MYCBP2: variants seen among roughly 807,000 people sequenced by gnomAD.
MYCBP2 encodes the protein MYC binding protein 2, also known as E3 ubiquitin-protein ligase MYCBP2.
In MYCBP2, 120 loss-of-function variants were observed where a neutral mutation model predicts 525.3. The ratio of observed to expected loss-of-function variants is 0.23; its 90% confidence interval spans 0.20 to 0.27. The LOEUF is 0.27. MYCBP2 is among the 10% of genes least tolerant of loss of function. The pLI is 1.00. For missense variants in MYCBP2, 4,149 were observed against 5,657.1 expected (o/e 0.73, Z 8.55); for synonymous variants, 1,894 against 1,955.8 (o/e 0.97, Z 0.83).
chr13:77,258,923 C>T (rs934099200), intron 13 of MYCBP2, among the ~76,000 whole-genome samples: 7 of 151,982 alleles, frequency 4.6e-5, no homozygotes, highest in African/African-American at 1.7e-4. Context: ...AACTGTTACC[C>T]AGTTAAAGAT....
Position 77,055,609 on chromosome 13 carries a change from A to C in MYCBP2, c.13596T>G (p.Ala4532=), listed in dbSNP as rs763801487. The change falls in exon 80 of 83, where the codon GCT becomes GCG. Residue 4532 remains alanine, a synonymous_variant. Coordinates refer to ENST00000544440, the MANE Select transcript of MYCBP2 (RefSeq NM_015057.5). ...ATGCATATCTATTCATTGCATAGCC[A>C]GCTGGGTCATTATAAAACCTCACAC... The part of the protein sequence containing the change: ...TPGVRFYNDP[A]GYAMNRYAYY... The C allele has an allele frequency of 1.7e-5, 27 of 1,613,976 alleles. No individual in the cohort carries two copies. The highest frequency in any genetic ancestry group is 2.0e-5 in the Non-Finnish European group (24 of 1,180,012).
chr13:77,270,590 C>T, intron 5 of MYCBP2, 52 bp from the exon 6 acceptor site: 3 of 1,504,140 alleles, frequency 2.0e-6, no homozygotes, highest in Non-Finnish European at 2.7e-6. Flanking sequence ...ATGTTACAAA[C>T]ACAGAACAAA....
intron 3 of MYCBP2, among the ~76,000 whole-genome samples, chr13:77,285,990 C>T (rs1318235434): frequency 1.3e-5 from 2 of 151,888 alleles, no homozygotes; most frequent in East Asian, 3.9e-4. Context: ...GAAAAGGGTC[C>T]CACTCTAAAA....
chr13:77,104,974 T>C (rs2047631222), intron 55 of MYCBP2, among the ~76,000 whole-genome samples: 1 of 152,148 alleles, frequency 6.6e-6, no homozygotes, highest in South Asian at 2.1e-4. Flanking sequence ...GGAGCTCTTA[T>C]GCTATTTAAG....
intron 41 of MYCBP2, 26 bp from the exon 42 acceptor site, chr13:77,165,417 C>CA (rs768489160): frequency 6.7e-7 from 1 of 1,498,052 alleles, no homozygotes; most frequent in Non-Finnish European, 9.1e-7. Flanking sequence ...GAATTGAGTT[C>CA]AAACTCTAAA....
At chr13:77,177,271 C>T (rs1223905334) in intron 35 of MYCBP2, among the ~76,000 whole-genome samples, 1 of 151,014 alleles carries the variant, frequency 6.6e-6, no homozygotes, top group African/African-American at 2.4e-5. Flanking sequence ...AGTAGTGACC[C>T]AAGGTGGAAA....
chr13:77,222,684 G>A (rs888931047), intron 20 of MYCBP2, among the ~76,000 whole-genome samples: 1 of 150,142 alleles, frequency 6.7e-6, no homozygotes, highest in Non-Finnish European at 1.5e-5. Flanking sequence ...TCTCAGAAAT[G>A]CTGGATGTAG....
intron 1 of MYCBP2, among the ~76,000 whole-genome samples, chr13:77,313,621 C>G (rs1447424841): frequency 6.6e-6 from 1 of 151,940 alleles, no homozygotes; most frequent in East Asian, 1.9e-4. Context: ...AAGCTGAATA[C>G]TAAAATTAAA....
At chr13:77,226,696 C>A (rs867459536) in intron 18 of MYCBP2, among the ~76,000 whole-genome samples, 10 of 152,158 alleles carry the variant, frequency 6.6e-5, no homozygotes, top group African/African-American at 2.2e-4. Flanking sequence ...TTTACCTAAC[C>A]TTTAGTAACA....
intron 81 of MYCBP2, 111 bp downstream of exon 81, chr13:77,051,700 A>G (rs982521863): frequency 3.4e-5 from 24 of 703,392 alleles, no homozygotes; most frequent in Non-Finnish European, 4.5e-5. Context: ...AACAAATATC[A>G]GAAAATACTG....
At chr13:77,061,002 C>T (rs1477138555) in intron 76 of MYCBP2, among the ~76,000 whole-genome samples, 167 bp downstream of exon 76, 1 of 152,126 alleles carries the variant, frequency 6.6e-6, no homozygotes, top group Non-Finnish European at 1.5e-5. Context: ...TGGTCTAATG[C>T]TCTCTTCACC....
chr13:77,224,314 C>A, intron 20 of MYCBP2, 137 bp downstream of exon 20: 1 of 628,610 alleles, frequency 1.6e-6, no homozygotes, highest in Non-Finnish European at 2.8e-6. Flanking sequence ...TCATGGGCCA[C>A]ACTTTGCAAA....
At position 77,166,369 on chromosome 13, in the gene MYCBP2, T is replaced by G. The variant is rs1364453829; in HGVS notation, c.6300A>C (p.Ser2100=). 1.2e-6 allele frequency: 2 copies of G among 1,613,842 alleles called. No individual in the cohort carries two copies. The highest frequency in any genetic ancestry group is 1.7e-6 in the Non-Finnish European group (2 of 1,179,880). The part of the protein sequence containing the change: ...LNSWIELKKF[S]GSSGWPTMVL... ...CCATAGTAGGCCACCCAGAGGATCC[T>G]GAAAATTTCTTTAATTCTATCCATG... is the stretch of plus-strand genomic sequence containing the variant. Residue 2100 remains serine (S), a synonymous_variant, in exon 41 of 83, where the codon TCA becomes TCC. Coordinates refer to ENST00000544440, the MANE Select transcript of MYCBP2 (RefSeq NM_015057.5).
In MYCBP2 at chr13:77,209,139, C is replaced by T. The variant is rs186186378; in HGVS notation, c.3416+2028G>A. On this transcript the variant is annotated intron_variant, in intron 23 of 82. Transcript: ENST00000544440. The stretch of plus-strand genomic sequence containing the variant: ...AAAACATCTCTTAATCTCTGTTTTC[C>T]AACAATGGAGAAATTGATCAAGGAG... Among the ~76,000 whole-genome samples the T allele has an allele frequency of 7.2e-3, 1,103 of 152,238 alleles. 7 individuals are homozygous for T. Among genetic ancestry groups the T allele is most frequent in the Non-Finnish European group, 0.011 (738 of 68,008 alleles).
chr13:77,124,034 T>A (rs1056138890), intron 54 of MYCBP2, among the ~76,000 whole-genome samples: 1 of 152,148 alleles, frequency 6.6e-6, no homozygotes, highest in Non-Finnish European at 1.5e-5. Context: ...GACCATATCA[T>A]CTTAGACTAA....
At chr13:77,060,962 A>C (rs1425915838) in intron 76 of MYCBP2, among the ~76,000 whole-genome samples, 1 of 152,210 alleles carries the variant, frequency 6.6e-6, no homozygotes, top group Non-Finnish European at 1.5e-5. Flanking sequence ...CCACACAGCT[A>C]GTTAGTGGCA....
intron 21 of MYCBP2, among the ~76,000 whole-genome samples, chr13:77,214,215 C>T (rs991725345): frequency 1.3e-5 from 2 of 152,212 alleles, no homozygotes; most frequent in African/African-American, 4.8e-5. Context: ...CAGGCAATCT[C>T]ATACACCGTT....
intron 60 of MYCBP2, among the ~76,000 whole-genome samples, chr13:77,089,289 A>G (rs2044928570): frequency 6.6e-6 from 1 of 152,088 alleles, no homozygotes; most frequent in Non-Finnish European, 1.5e-5. Flanking sequence ...TTTCTAAAAC[A>G]CTCTAAAAGC....
intron 2 of MYCBP2, among the ~76,000 whole-genome samples, chr13:77,294,127 T>TATATATATAC (rs1350132831): frequency 2.6e-4 from 16 of 60,852 alleles, no homozygotes; most frequent in Middle Eastern, 8.6e-3. Flanking sequence ...TATATATATA[T>TATATATATAC]ATACATATAT....
Sources: gnomAD v4.1 joint callset for allele counts (sites outside exome capture counted in the v4.1 genomes callset) on GRCh38, gnomAD v4.1.1 for gene constraint, MANE v1.5 for transcripts, NCBI Gene and HGNC (gene_info 2026-07-23, HGNC 2026-07-21) for gene names.